The following MINDY3 variants were observed in gnomAD, a reference collection of about 807,000 sequenced individuals.
MINDY3 encodes ubiquitin carboxyl-terminal hydrolase MINDY-3.
A neutral mutation model predicts 69.2 loss-of-function variants in MINDY3; 38 were observed. The observed-to-expected ratio is 0.55, with a 90% confidence interval of 0.42 to 0.72. The LOEUF (loss-of-function observed/expected upper bound fraction) is 0.72. MINDY3 is among the 30% of genes least tolerant of loss of function. The probability of loss-of-function intolerance (pLI) is 0.00; values close to 1 mark genes in which losing one functional copy is unlikely to be tolerated. For synonymous variants in MINDY3, 192 were observed against 180.1 expected (o/e 1.07, Z -0.53); for missense variants, 522 against 519.0 (o/e 1.01, Z -0.06).
Position 15,796,105 on chromosome 10 carries a change from G to A in MINDY3, c.950C>T (p.Pro317Leu). Residue 317 changes from proline to leucine, a missense_variant, in exon 11 of 15, where the codon CCA (proline) becomes CTA (leucine). Pro to Leu is a moderately conservative substitution (Grantham distance 98, BLOSUM62 -3). Transcript: ENST00000277632. ...QARRVFQTYDPEDNGFIPDSL... is the reference protein window; with the variant it reads ...QARRVFQTYDLEDNGFIPDSL... ...ATGATGTTAAAATCTTTTACCTTCT[G>A]GGTCGTAGGTTTGAAAAACTCTTCT... 1 of 1,611,374 alleles carries A rather than the reference G, an allele frequency of 6.2e-7. No individual in the cohort carries two copies. Among genetic ancestry groups the A allele is most frequent in the Non-Finnish European group, 8.5e-7 (1 of 1,177,940 alleles).
chr10:15,831,182 A>C (rs1425766182), intron 8 of MINDY3, among the ~76,000 whole-genome samples: 1 of 152,202 alleles, frequency 6.6e-6, no homozygotes, highest in East Asian at 1.9e-4. Context: ...AGTAGAAAAA[A>C]GGGTTACAAT....
At chr10:15,798,467 T>G (rs1178508122) in intron 10 of MINDY3, among the ~76,000 whole-genome samples, 2 of 151,186 alleles carry the variant, frequency 1.3e-5, no homozygotes, top group South Asian at 4.2e-4. Context: ...GCCAAGTGTT[T>G]TTTTTTTTTT....
In MINDY3 at chr10:15,794,971, T is replaced by G. The variant is rs560093655; in HGVS notation, c.955+1129A>C. Among the ~76,000 whole-genome samples, 310 of 130,390 alleles carry G rather than the reference T, an allele frequency of 2.4e-3. 2 individuals are homozygous for G. In the South Asian group the frequency reaches 0.03, roughly 12 times the overall value. The allele number at this position is 130,390 out of a possible 152,430, so 85.5% of individuals were successfully genotyped here. On this transcript the variant is annotated intron_variant, in intron 11 of 14. Coordinates refer to ENST00000277632, the MANE Select transcript of MINDY3 (RefSeq NM_024948.4). ...CCTAAGATTTTCTGATCCTTTCCTTTTATGTTTCTTTTCTCAAGAAAGTCA... is the reference window on the plus strand; with the variant it reads ...CCTAAGATTTTCTGATCCTTTCCTTGTATGTTTCTTTTCTCAAGAAAGTCA...
intron 2 of MINDY3, among the ~76,000 whole-genome samples, chr10:15,843,794 A>G (rs1427390185): frequency 6.6e-6 from 1 of 152,140 alleles, no homozygotes; most frequent in Non-Finnish European, 1.5e-5. Flanking sequence ...ATGGATTTCT[A>G]AACTTCCCCT....
intron 4 of MINDY3, among the ~76,000 whole-genome samples, chr10:15,841,212 G>A (rs1833442784): frequency 6.6e-6 from 1 of 151,282 alleles, no homozygotes; most frequent in African/African-American, 2.4e-5. Flanking sequence ...AAAAGTTTAA[G>A]AGATGCATTT....
chr10:15,832,077 G>A (rs1446765826), intron 8 of MINDY3, among the ~76,000 whole-genome samples: 3 of 152,150 alleles, frequency 2.0e-5, no homozygotes, highest in African/African-American at 4.8e-5. Flanking sequence ...AGAGCCTAGG[G>A]AGGCAGAAGA....
intron 8 of MINDY3, among the ~76,000 whole-genome samples, chr10:15,822,653 C>T (rs991656481): frequency 1.1e-4 from 17 of 152,042 alleles, no homozygotes; most frequent in Non-Finnish European, 2.2e-4. Flanking sequence ...TTTAGCTAAG[C>T]TGGGATTGAG....
intron 1 of MINDY3, among the ~76,000 whole-genome samples, chr10:15,859,024 G>A (rs544500706): frequency 1.8e-4 from 28 of 152,254 alleles, no homozygotes; most frequent in African/African-American, 5.8e-4. Context: ...CGAGAGACCT[G>A]GAATCCACTC....
chr10:15,809,662 A>T (rs534290118), intron 10 of MINDY3, among the ~76,000 whole-genome samples: 57 of 152,212 alleles, frequency 3.7e-4, no homozygotes, highest in African/African-American at 1.2e-3. Flanking sequence ...GTTCTGTGGG[A>T]ACCCTGCTGC....
chr10:15,845,813 ATTTTTTTTTTTTTT>A (rs891710697), intron 2 of MINDY3, among the ~76,000 whole-genome samples: 3 of 49,334 alleles, frequency 6.1e-5, no homozygotes, highest in South Asian at 1.5e-3. Context: ...GGCCTATGTG[ATTTTTTTTTTTTTT>A]TTTTTTTTTT....
At chr10:15,811,134 A>G (rs1838969603) in intron 10 of MINDY3, among the ~76,000 whole-genome samples, 1 of 152,150 alleles carries the variant, frequency 6.6e-6, no homozygotes, top group Non-Finnish European at 1.5e-5. Flanking sequence ...TTCTAAAGGA[A>G]AGCAGGTTAG....
intron 1 of MINDY3, among the ~76,000 whole-genome samples, chr10:15,858,134 C>T (rs985379551): frequency 2.6e-5 from 4 of 152,166 alleles, no homozygotes; most frequent in Non-Finnish European, 5.9e-5. Flanking sequence ...AACAGGACCC[C>T]TCTGATTCAG....
At chr10:15,795,657 G>C (rs1821879383) in intron 11 of MINDY3, among the ~76,000 whole-genome samples, 1 of 152,034 alleles carries the variant, frequency 6.6e-6, no homozygotes, top group Non-Finnish European at 1.5e-5. Context: ...TACTTTGTTA[G>C]GTAGAATAGC....
intron 10 of MINDY3, among the ~76,000 whole-genome samples, chr10:15,798,693 T>C (rs1232623815): frequency 6.6e-6 from 1 of 151,920 alleles, no homozygotes; most frequent in African/African-American, 2.4e-5. Flanking sequence ...GGCAGGAAAA[T>C]CATTTGAACC....
intron 10 of MINDY3, among the ~76,000 whole-genome samples, chr10:15,815,450 G>C (rs557458093): frequency 1.3e-5 from 2 of 152,130 alleles, no homozygotes; most frequent in East Asian, 3.8e-4. Flanking sequence ...ATTCAGACTA[G>C]AGTATAATTT....
chr10:15,852,966 G>A (rs563356935), intron 1 of MINDY3, among the ~76,000 whole-genome samples: 17 of 152,252 alleles, frequency 1.1e-4, no homozygotes, highest in African/African-American at 4.1e-4. Flanking sequence ...GGTATTGTAA[G>A]TAATCTAGAG....
At chr10:15,796,758 C>T (rs1837871962) in intron 10 of MINDY3, among the ~76,000 whole-genome samples, 2 of 151,910 alleles carry the variant, frequency 1.3e-5, no homozygotes, top group South Asian at 2.1e-4. Context: ...AATTTCTTTC[C>T]CCCATAAAAC....
intron 8 of MINDY3, among the ~76,000 whole-genome samples, chr10:15,826,171 G>A (rs1176631263): frequency 6.6e-6 from 1 of 152,186 alleles, no homozygotes; most frequent in Non-Finnish European, 1.5e-5. Context: ...AAGGATCTGA[G>A]AACCTTAGAA....
At chr10:15,848,774 A>C (rs537761378) in intron 1 of MINDY3, among the ~76,000 whole-genome samples, 4 of 152,234 alleles carry the variant, frequency 2.6e-5, no homozygotes, top group Admixed American at 6.5e-5. Context: ...GAAGTTCTTC[A>C]GATGGCCCTG....
Sources: allele counts gnomAD v4.1 joint callset (sites outside exome capture counted in the v4.1 genomes callset), GRCh38; gene constraint gnomAD v4.1.1; transcripts MANE v1.5; gene names NCBI Gene and HGNC (gene_info 2026-07-23, HGNC 2026-07-21).